APBB1IP: variants seen among roughly 807,000 people sequenced by gnomAD.
APBB1IP encodes amyloid beta A4 precursor protein-binding family B member 1-interacting protein.
APBB1IP carries 27 observed loss-of-function variants against 64.9 expected under a neutral mutation model. The observed-to-expected ratio is 0.42, with a 90% confidence interval of 0.31 to 0.57. The LOEUF (loss-of-function observed/expected upper bound fraction) is 0.57. Among genes scored for constraint, APBB1IP ranks in the 20% least tolerant of loss-of-function variants. The pLI is 0.20. For synonymous variants in APBB1IP, 392 were observed against 331.0 expected (o/e 1.18, Z -2.00); for missense variants, 812 against 845.5 (o/e 0.96, Z 0.49).
At chr10:26,455,898 A>G (rs1835519524) in intron 2 of APBB1IP, among the ~76,000 whole-genome samples, 1 of 152,192 alleles carries the variant, frequency 6.6e-6, no homozygotes, top group African/African-American at 2.4e-5. Context: ...AATGGAAACA[A>G]CCCAAATGTC....
At position 26,544,475 on chromosome 10, in the gene APBB1IP, G is replaced by T. The variant is rs141438003; in HGVS notation, c.1155+2783G>T. On this transcript the variant is annotated intron_variant, in intron 11 of 14. Coordinates refer to ENST00000376236, the MANE Select transcript of APBB1IP (RefSeq NM_019043.4). ...AGGAATCTTCATTTTTCCTAAGCAT[G>T]GTCAAGTTTTCTACTGAGTGTTAGA... Among the ~76,000 whole-genome samples the T allele has an allele frequency of 4.7e-3, 716 of 152,186 alleles. 4 individuals carry two copies. Among genetic ancestry groups the T allele is most frequent in the African/African-American group, 0.017 (686 of 41,508 alleles).
chr10:26,561,140 C>T (rs540516276), intron 13 of APBB1IP, among the ~76,000 whole-genome samples: 22 of 129,632 alleles, frequency 1.7e-4, no homozygotes, highest in South Asian at 1.3e-3. Context: ...GGGATCTCAG[C>T]TCACTGCAAG....
intron 2 of APBB1IP, among the ~76,000 whole-genome samples, chr10:26,455,988 C>A (rs1254110234): frequency 6.6e-6 from 1 of 152,094 alleles, no homozygotes; most frequent in African/African-American, 2.4e-5. Flanking sequence ...GTGAAAGAAG[C>A]CAGACACAAA....
chr10:26,536,561 G>A (rs528355261), intron 10 of APBB1IP, among the ~76,000 whole-genome samples: 3 of 150,862 alleles, frequency 2.0e-5, no homozygotes, highest in African/African-American at 4.9e-5. Flanking sequence ...TGGAATCATA[G>A]AGGTATTGGA....
chr10:26,442,351 A>G (rs1835346989), intron 2 of APBB1IP, among the ~76,000 whole-genome samples: 1 of 152,202 alleles, frequency 6.6e-6, no homozygotes, highest in Non-Finnish European at 1.5e-5. Context: ...TGTTTATTTT[A>G]TTCTAATCCC....
chr10:26,560,975 G>A (rs573189037), intron 13 of APBB1IP, 131 bp downstream of exon 13: 1 of 531,768 alleles, frequency 1.9e-6, no homozygotes, highest in Non-Finnish European at 3.0e-6. Context: ...TGATGATCAG[G>A]CTCAAACTCC....
At chr10:26,485,556 A>G (rs1317600894) in intron 2 of APBB1IP, among the ~76,000 whole-genome samples, 3 of 152,224 alleles carry the variant, frequency 2.0e-5, no homozygotes. Context: ...TAACAAAAAG[A>G]GTGTGATTCA....
intron 11 of APBB1IP, among the ~76,000 whole-genome samples, chr10:26,544,378 C>T (rs1207693218): frequency 6.6e-6 from 1 of 152,212 alleles, no homozygotes. Context: ...TGCAGGTTCC[C>T]AGGCCCTAGG....
chr10:26,530,221 T>A (rs1243674590), intron 8 of APBB1IP, among the ~76,000 whole-genome samples: 4 of 67,350 alleles, frequency 5.9e-5, no homozygotes, highest in African/African-American at 2.1e-4. Flanking sequence ...AGCTTTTTTT[T>A]CTTTTTCTTT....
At chr10:26,459,700 G>C (rs561013351) in intron 2 of APBB1IP, among the ~76,000 whole-genome samples, 6 of 152,106 alleles carry the variant, frequency 3.9e-5, no homozygotes, top group Admixed American at 3.3e-4. Flanking sequence ...TTCTACTTAA[G>C]GAGTTTTTTT....
chr10:26,560,462 C>G (rs142628465), intron 12 of APBB1IP, among the ~76,000 whole-genome samples: 2 of 152,168 alleles, frequency 1.3e-5, no homozygotes, highest in East Asian at 3.9e-4. Context: ...AACCTGTGAT[C>G]GAGTTACATA....
chr10:26,510,634 G>T (rs1434017489), intron 6 of APBB1IP, among the ~76,000 whole-genome samples: 1 of 151,766 alleles, frequency 6.6e-6, no homozygotes, highest in Non-Finnish European at 1.5e-5. Flanking sequence ...CACTCAGGAG[G>T]CTGAGGTGGG....
chr10:26,538,621 G>A (rs544752004), intron 10 of APBB1IP, among the ~76,000 whole-genome samples: 21 of 138,084 alleles, frequency 1.5e-4, no homozygotes, highest in African/African-American at 4.4e-4. Context: ...AGCCTGGGGC[G>A]ACAAAGTGAG....
chr10:26,478,138 G>A (rs1284503820), intron 2 of APBB1IP, among the ~76,000 whole-genome samples: 1 of 152,214 alleles, frequency 6.6e-6, no homozygotes, highest in African/African-American at 2.4e-5. Context: ...AGTTGATTTT[G>A]AAATAGGTCA....
intron 2 of APBB1IP, among the ~76,000 whole-genome samples, chr10:26,450,833 C>A (rs1309765841): frequency 6.6e-6 from 1 of 152,016 alleles, no homozygotes; most frequent in African/African-American, 2.4e-5. Context: ...GTAGCTGGGA[C>A]TACAGGCATG....
intron 3 of APBB1IP, 28 bp downstream of exon 3, chr10:26,492,426 T>C (rs1775245): frequency 0.17 from 272,277 of 1,602,196 alleles, 24,572 homozygotes; most frequent in African/African-American, 0.19. Flanking sequence ...ACTGGCAAAT[T>C]GGAAAACAAA....
At chr10:26,512,449 G>A (rs1421769033) in intron 7 of APBB1IP, among the ~76,000 whole-genome samples, 1 of 152,082 alleles carries the variant, frequency 6.6e-6, no homozygotes, top group Non-Finnish European at 1.5e-5. Context: ...TCCCACAAGT[G>A]CTCATTTCCC....
intron 2 of APBB1IP, among the ~76,000 whole-genome samples, chr10:26,462,317 T>C (rs1480569487): frequency 6.6e-6 from 1 of 152,226 alleles, no homozygotes; most frequent in African/African-American, 2.4e-5. Context: ...CCCCTTTGAC[T>C]TGTGTTTTAC....
chr10:26,490,220 G>A (rs982352727), intron 2 of APBB1IP, among the ~76,000 whole-genome samples: 2 of 152,118 alleles, frequency 1.3e-5, no homozygotes. Context: ...AGTTTTCAAG[G>A]TAATTTATTC....
Sources: allele counts gnomAD v4.1 joint callset (sites outside exome capture counted in the v4.1 genomes callset), GRCh38; gene constraint gnomAD v4.1.1; transcripts MANE v1.5; gene names NCBI Gene and HGNC (gene_info 2026-07-23, HGNC 2026-07-21).